CAND1: variants seen among roughly 807,000 people sequenced by gnomAD.
The protein encoded by CAND1 is cullin-associated NEDD8-dissociated protein 1.
In CAND1, 7 loss-of-function variants were observed where a neutral mutation model predicts 108.5. That is an observed-to-expected ratio of 0.06 (90% CI 0.04 to 0.12). CAND1 has a LOEUF of 0.12. Ranked by LOEUF, CAND1 falls within the 10% of genes least tolerant of loss-of-function variation. The pLI is 1.00. For synonymous variants in CAND1, 534 were observed against 512.0 expected (o/e 1.04, Z -0.58); for missense variants, 941 against 1,448.7 (o/e 0.65, Z 5.69).
intron 2 of CAND1, among the ~76,000 whole-genome samples, chr12:67,287,878 TAGTCCATTGGTTA>T (rs2044686828): frequency 7.0e-6 from 1 of 142,584 alleles, no homozygotes; most frequent in Admixed American, 6.8e-5. Flanking sequence ...TTTTTTTTTT[TAGTCCATTGGTTA>T]TTTAGAAGCA....
Position 67,286,519 on chromosome 12 carries a change from G to T in CAND1, c.212+4466G>T, listed in dbSNP as rs1164572314. Among the ~76,000 whole-genome samples, 3 of 149,714 alleles carry T rather than the reference G, an allele frequency of 2.0e-5. No individual in the cohort carries two copies. The East Asian group carries it at 5.8e-4, about 29-fold the overall frequency. On this transcript the variant is annotated intron_variant, in intron 2 of 14. Coordinates refer to ENST00000545606, the MANE Select transcript of CAND1 (RefSeq NM_018448.5). ...GTGTGGTTTTAATTTCTATTTCCCTGATAACTAATGATGTCAAGAACTGTT... is the reference window on the plus strand; with the variant it reads ...GTGTGGTTTTAATTTCTATTTCCCTTATAACTAATGATGTCAAGAACTGTT...
chr12:67,269,974 TC>T, intron 1 of CAND1, 189 bp downstream of exon 1: 2 of 532,404 alleles, frequency 3.8e-6, no homozygotes, highest in Non-Finnish European at 6.6e-6. Flanking sequence ...TGCAACCCCC[TC>T]CCCCCATTCT....
intron 11 of CAND1, 109 bp from the exon 12 acceptor site, chr12:67,309,774 CTGACCGTCACTGAAGAAA>C: frequency 1.6e-6 from 1 of 640,850 alleles, no homozygotes; most frequent in Non-Finnish European, 2.6e-6. Flanking sequence ...AGGTTCTTCC[CTGACCGTCACTGAAGAAA>C]TAACAATGAC....
Position 67,299,078 on chromosome 12 carries a change from G to T in CAND1, c.983G>T (p.Gly328Val), listed in dbSNP as rs771246650. 2.0e-6 allele frequency: 3 copies of T among 1,537,556 alleles called. No individual in the cohort carries two copies. The highest frequency in any genetic ancestry group is 1.2e-5 in the South Asian group (1 of 86,494). Reference protein sequence around the residue: ...EDENAMDADGGDDDDQGSDDE... With the variant: ...EDENAMDADGVDDDDQGSDDE... ...GAAAATGCAATGGATGCTGATGGTG[G>T]TGATGATGATGATCAAGGTATTGCA... Residue 328 changes from glycine to valine, a missense_variant, in exon 7 of 15, where the codon GGT (glycine) becomes GTT (valine). Physicochemically the swap from Gly to Val is moderately radical, Grantham distance 109 (BLOSUM62 -3). Coordinates refer to ENST00000545606, the MANE Select transcript of CAND1 (RefSeq NM_018448.5).
chr12:67,308,494 T>C (rs914955044), intron 11 of CAND1, among the ~76,000 whole-genome samples: 1 of 152,112 alleles, frequency 6.6e-6, no homozygotes, highest in African/African-American at 2.4e-5. Flanking sequence ...GAAATATCTT[T>C]CCATGTTGAC....
chr12:67,282,476 T>C (rs1165192544), intron 2 of CAND1, among the ~76,000 whole-genome samples: 1 of 152,122 alleles, frequency 6.6e-6, no homozygotes, highest in East Asian at 1.9e-4. Context: ...GGTCTCACCT[T>C]GTCTCCCAGG....
rs1399615405 is a variant in CAND1, at chr12:67,306,460, A to G, written c.2792A>G (p.Asn931Ser). ...SVVGLKPYVE[N>S]IWALLLKHCE... is the part of the protein sequence containing the mutation. ...GTGGGCCTTAAACCATATGTTGAAA[A>G]CATCTGGGCCTTATTACTAAAGCAC... The change falls in exon 10 of 15, where the codon AAC (asparagine) becomes AGC (serine). Residue 931 changes from asparagine (N) to serine (S), a missense_variant. This residue lies in a region of CAND1 where 106 missense variants were observed against 182.0 expected (regional missense o/e 0.58). Transcript: ENST00000545606. 2.9e-5 allele frequency: 46 copies of G among 1,613,936 alleles called. No homozygotes were observed. The highest frequency in any genetic ancestry group is 3.7e-5 in the Non-Finnish European group (44 of 1,179,970).
intron 1 of CAND1, among the ~76,000 whole-genome samples, chr12:67,274,926 CAT>C (rs775464168): frequency 2.0e-5 from 3 of 152,070 alleles, no homozygotes; most frequent in Admixed American, 6.5e-5. Flanking sequence ...TTTACAATAA[CAT>C]AACAGGAAAT....
intron 2 of CAND1, among the ~76,000 whole-genome samples, chr12:67,291,862 C>T (rs2044725383): frequency 1.3e-5 from 2 of 151,964 alleles, no homozygotes; most frequent in South Asian, 2.1e-4. Flanking sequence ...ACTCCTAATT[C>T]GCCTATTGAT....
rs148531832 is a variant in CAND1, at chr12:67,287,077, T to C, written c.212+5024T>C. ...ACTCAGGGTTTATCAGCTTTGGCATTACTTACTCTTTGGGCCAGATAATTC... is the reference window on the plus strand; with the variant it reads ...ACTCAGGGTTTATCAGCTTTGGCATCACTTACTCTTTGGGCCAGATAATTC... On this transcript the variant is annotated intron_variant, in intron 2 of 14. Coordinates refer to ENST00000545606, the MANE Select transcript of CAND1 (RefSeq NM_018448.5). Among the ~76,000 whole-genome samples, 713 of 152,326 alleles carry C rather than the reference T, an allele frequency of 4.7e-3. 1 individual carries two copies. The highest frequency in any genetic ancestry group is 0.024 in the Middle Eastern group (7 of 294).
intron 4 of CAND1, among the ~76,000 whole-genome samples, chr12:67,295,645 A>C (rs2044762165): frequency 6.6e-6 from 1 of 152,052 alleles, no homozygotes. Context: ...GACCTAAGCA[A>C]CTCCTAGGAG....
At chr12:67,277,232 C>T (rs1378072739) in intron 1 of CAND1, among the ~76,000 whole-genome samples, 1 of 152,152 alleles carries the variant, frequency 6.6e-6, no homozygotes, top group Non-Finnish European at 1.5e-5. Context: ...ATCACAAACA[C>T]TGAGTTAGCA....
chr12:67,278,498 G>A (rs1194382590), intron 1 of CAND1, among the ~76,000 whole-genome samples: 1 of 151,712 alleles, frequency 6.6e-6, no homozygotes, highest in African/African-American at 2.4e-5. Flanking sequence ...TTCAGTCTAG[G>A]TCATGTTACT....
intron 3 of CAND1, 156 bp downstream of exon 3, chr12:67,292,932 GC>G (rs1403209822): frequency 3.2e-6 from 2 of 627,490 alleles, no homozygotes; most frequent in Non-Finnish European, 5.5e-6. Context: ...AAAGCGTGAA[GC>G]CTTATTTTCC....
At chr12:67,275,757 G>A (rs1351584245) in intron 1 of CAND1, among the ~76,000 whole-genome samples, 1 of 152,084 alleles carries the variant, frequency 6.6e-6, no homozygotes, top group African/African-American at 2.4e-5. Flanking sequence ...GGTATCTATC[G>A]ATCTAGTGCA....
rs553681066 is a variant in CAND1 at position 67,285,887 on chromosome 12, C to T, written c.212+3834C>T. 3.3e-5 allele frequency among the ~76,000 whole-genome samples: 5 copies of T among 152,164 alleles called. No homozygotes were observed. The East Asian group carries it at 9.7e-4, about 29-fold the overall frequency. ...TGCCTTTTTATTAATGATTAGTAGT[C>T]CATTGATGGTTTGTTTATTCATTTG... On this transcript the variant is annotated intron_variant, in intron 2 of 14. Transcript: ENST00000545606.
rs1252411 is a variant in CAND1, at chr12:67,272,551, G to T, written c.68+2766G>T. 6.7e-3 allele frequency among the ~76,000 whole-genome samples: 1,024 copies of T among 152,226 alleles called. 7 individuals carry two copies. The highest frequency in any genetic ancestry group is 0.023 in the African/African-American group (975 of 41,548). On this transcript the variant is annotated intron_variant, in intron 1 of 14. Coordinates refer to ENST00000545606, the MANE Select transcript of CAND1 (RefSeq NM_018448.5). ...TTAAGGCTCAATTTATTGAAAAATT[G>T]TAATATTTCTTTTGTGTTTTAGTAT... is the stretch of plus-strand genomic sequence containing the variant.
chr12:67,305,762 A>G lies in CAND1; in HGVS notation c.2094A>G (p.Pro698=). ...AMIDAVLDEL[P]PLISESDMHV... ...TTGATGCAGTTCTAGATGAGCTCCC[A>G]CCTCTTATCAGCGAAAGTGATATGC... The change falls in exon 10 of 15, where the codon CCA becomes CCG. Residue 698 remains proline (P), a synonymous_variant. Coordinates refer to ENST00000545606, the MANE Select transcript of CAND1 (RefSeq NM_018448.5). This position sits in a 1 kb window ranked among gnomAD's most constrained non-coding sequence, Gnocchi z 4.4. The G allele has an allele frequency of 6.2e-7, 1 of 1,614,136 alleles. No individual in the cohort carries two copies. Among genetic ancestry groups the G allele is most frequent in the Non-Finnish European group, 8.5e-7 (1 of 1,180,012 alleles).
At position 67,270,070 on chromosome 12, in the gene CAND1, G is replaced by A; in HGVS notation, c.68+285G>A. 1.9e-5 allele frequency: 8 copies of A among 420,862 alleles called. No individual in the cohort carries two copies. In the South Asian group the frequency reaches 2.8e-4, roughly 15 times the overall value. 26.1% of individuals were successfully genotyped at this position (420,862 alleles called of 1,614,324 possible). On this transcript the variant is annotated intron_variant, in intron 1 of 14. Transcript: ENST00000545606. ...CACATCCTTCCCTGCCCCACCAGGA[G>A]GCGATTCTTGCGTCTCAGGTAGCGC...
Sources: allele counts gnomAD v4.1 joint callset (sites outside exome capture counted in the v4.1 genomes callset), GRCh38; gene constraint gnomAD v4.1.1; regional missense constraint gnomAD v4.1.1; non-coding constraint Gnocchi (gnomAD v3.1); transcripts MANE v1.5; gene names NCBI Gene and HGNC (gene_info 2026-07-23, HGNC 2026-07-21).